The following FIG4 variants were observed in gnomAD, a reference collection of about 807,000 sequenced individuals.
The protein encoded by FIG4 is FIG4 phosphoinositide 5-phosphatase.
Under a neutral mutation model 118.6 loss-of-function variants are expected in FIG4, and 112 were observed. That is an observed-to-expected ratio of 0.94 (90% CI 0.81 to 1.11). The LOEUF (loss-of-function observed/expected upper bound fraction) is 1.11, where lower values mean the gene tolerates loss of function less well. FIG4 is among the 50% of genes least tolerant of loss of function. The pLI, the probability that FIG4 is intolerant of heterozygous loss-of-function variation, is 0.00. For missense variants in FIG4, 969 were observed against 1,111.7 expected, an observed-to-expected ratio of 0.87 and a Z score of 1.83; for synonymous variants, 369 against 381.2, an observed-to-expected ratio of 0.97 and a Z score of 0.37.
intron 1 of FIG4, among the ~76,000 whole-genome samples, chr6:109,708,873 G>A (rs1775172112): frequency 1.3e-5 from 2 of 152,102 alleles, no homozygotes; most frequent in Admixed American, 1.3e-4. Flanking sequence ...ATCTCTGTCA[G>A]ATGTATCGTT....
chr6:109,754,837 T>C (rs1183393945), intron 10 of FIG4, among the ~76,000 whole-genome samples: 1 of 152,206 alleles, frequency 6.6e-6, no homozygotes, highest in Non-Finnish European at 1.5e-5. Context: ...TTTTTCTTTA[T>C]TAGTCTTGCT....
At chr6:109,805,685 C>G (rs933995063) in intron 22 of FIG4, among the ~76,000 whole-genome samples, 1 of 152,086 alleles carries the variant, frequency 6.6e-6, no homozygotes, top group Non-Finnish European at 1.5e-5. Context: ...ACCATCTTGA[C>G]TTTCTTAACG....
At chr6:109,713,720 C>T (rs887169558) in intron 1 of FIG4, among the ~76,000 whole-genome samples, 10 of 151,898 alleles carry the variant, frequency 6.6e-5, no homozygotes, top group African/African-American at 1.9e-4. Flanking sequence ...AGTGAGCCTG[C>T]GGGAAGCTGC....
At chr6:109,707,997 T>C (rs1029967668) in intron 1 of FIG4, among the ~76,000 whole-genome samples, 2 of 151,892 alleles carry the variant, frequency 1.3e-5, no homozygotes, top group African/African-American at 4.8e-5. Flanking sequence ...GTATTCTTTT[T>C]TTTTTTTTTA....
At chr6:109,757,029 G>A (rs1208639789) in intron 10 of FIG4, among the ~76,000 whole-genome samples, 5 of 152,032 alleles carry the variant, frequency 3.3e-5, no homozygotes, top group African/African-American at 7.2e-5. Context: ...CTTCTGCGTC[G>A]CTCACGCTGG....
At chr6:109,771,458 ATTCTTTTTT>A (rs1777457257) in intron 15 of FIG4, among the ~76,000 whole-genome samples, 1 of 112,866 alleles carries the variant, frequency 8.9e-6, no homozygotes, top group Non-Finnish European at 1.8e-5. Flanking sequence ...ACTTCCTCTA[ATTCTTTTTT>A]TTTTTTTTTT....
chr6:109,738,461 T>A lies in FIG4; in HGVS notation c.775+8T>A. The stretch of plus-strand genomic sequence containing the variant: ...GGTTCTGTGGGCAGTCAAGTATCCT[T>A]TCTGAAGAAAAAGTAAGATACATAT... On this transcript the variant is annotated splice_region_variant and intron_variant, in intron 7 of 22. Coordinates refer to ENST00000230124, the MANE Select transcript of FIG4 (RefSeq NM_014845.6). 1 of 1,611,568 alleles carries A rather than the reference T, an allele frequency of 6.2e-7. No homozygotes were observed. The highest frequency in any genetic ancestry group is 8.5e-7 in the Non-Finnish European group (1 of 1,178,018).
At chr6:109,702,188 G>A (rs1774928901) in intron 1 of FIG4, among the ~76,000 whole-genome samples, 1 of 152,174 alleles carries the variant, frequency 6.6e-6, no homozygotes, top group Admixed American at 6.5e-5. Flanking sequence ...CAAGAAGGCT[G>A]ATTTTCCTCC....
At chr6:109,760,575 T>C (rs1207965603) in intron 11 of FIG4, among the ~76,000 whole-genome samples, 192 bp downstream of exon 11, 2 of 152,212 alleles carry the variant, frequency 1.3e-5, no homozygotes, top group Non-Finnish European at 2.9e-5. Flanking sequence ...ATATATACCA[T>C]TTGCAAATTG....
chr6:109,737,539 A>G (rs867038237), intron 6 of FIG4, among the ~76,000 whole-genome samples: 2 of 152,250 alleles, frequency 1.3e-5, no homozygotes, highest in African/African-American at 4.8e-5. Flanking sequence ...TGTATAAACA[A>G]ATACTCTTAA....
In FIG4 at chr6:109,762,384, A is replaced by G. The variant is rs530715302; in HGVS notation, c.1388+177A>G. Among the ~76,000 whole-genome samples, 4 of 151,924 alleles carry G rather than the reference A, an allele frequency of 2.6e-5. No homozygotes were observed. In the East Asian group the frequency reaches 7.7e-4, roughly 29 times the overall value. ...GGGCATGGGAATTCCTTTGGTGGTTACCTACATACCTTGAGATGTAAGCCA... is the reference window on the plus strand; with the variant it reads ...GGGCATGGGAATTCCTTTGGTGGTTGCCTACATACCTTGAGATGTAAGCCA... On this transcript the variant is annotated intron_variant, in intron 12 of 22. Coordinates refer to ENST00000230124, the MANE Select transcript of FIG4 (RefSeq NM_014845.6).
intron 6 of FIG4, among the ~76,000 whole-genome samples, chr6:109,736,062 A>G (rs913929334): frequency 6.6e-6 from 1 of 152,116 alleles, no homozygotes; most frequent in Non-Finnish European, 1.5e-5. Context: ...CATTGCTAGT[A>G]TGAATGTTGT....
intron 22 of FIG4, among the ~76,000 whole-genome samples, chr6:109,801,891 T>C (rs763133637): frequency 1.9e-4 from 29 of 152,238 alleles, no homozygotes; most frequent in Non-Finnish European, 3.5e-4. Context: ...GATACTGCTG[T>C]GGTCTCTGTG....
intron 3 of FIG4, among the ~76,000 whole-genome samples, chr6:109,719,341 T>C (rs1419807386): frequency 2.6e-5 from 4 of 152,148 alleles, no homozygotes; most frequent in African/African-American, 4.8e-5. Context: ...AAATCACTTA[T>C]TGAACTGTGT....
In FIG4 at chr6:109,711,593, C is replaced by T. The variant is rs182626753; in HGVS notation, c.67-3485C>T. Among the ~76,000 whole-genome samples, 189 of 151,994 alleles carry T rather than the reference C, an allele frequency of 1.2e-3. 1 individual carries two copies. Among genetic ancestry groups the T allele is most frequent in the Non-Finnish European group, 2.4e-3 (164 of 67,964 alleles). On this transcript the variant is annotated intron_variant, in intron 1 of 22. Transcript: ENST00000230124. ...TCAGAAACTAGAATTGCAACCCCTG[C>T]TTTTTTCTGTTTCCCGTTTGCTTGA... is the stretch of plus-strand genomic sequence containing the variant.
intron 4 of FIG4, among the ~76,000 whole-genome samples, chr6:109,732,302 C>T (rs541463757): frequency 1.1e-4 from 16 of 152,336 alleles, no homozygotes; most frequent in African/African-American, 3.1e-4. Flanking sequence ...TCTCCATCCT[C>T]AAAGCATTTG....
intron 1 of FIG4, among the ~76,000 whole-genome samples, chr6:109,692,098 A>G (rs1214835395): frequency 6.6e-6 from 1 of 152,186 alleles, no homozygotes; most frequent in African/African-American, 2.4e-5. Flanking sequence ...TACTTTTAAA[A>G]TTTTATTACT....
chr6:109,787,890 C>G, intron 18 of FIG4, among the ~76,000 whole-genome samples: 1 of 152,198 alleles, frequency 6.6e-6, no homozygotes, highest in South Asian at 2.1e-4. Context: ...AAGACAGAAA[C>G]GTAGTTAATA....
At position 109,743,156 on chromosome 6, in the gene FIG4, C is replaced by G; in HGVS notation, c.923C>G (p.Ala308Gly). Residue 308 changes from alanine to glycine, a missense_variant, in exon 9 of 23, where the codon GCT becomes GGT. Around this residue, in one of 3 missense-constraint regions of FIG4, gnomAD observed 393 missense variants for 409.4 expected, o/e 0.96. Transcript: ENST00000230124. ...GAGACTGAACAAATACTCTGCGATG[C>G]TTCTGTGATGTCTTTCACTGCAGGA... Reference protein sequence around the residue: ...EVETEQILCDASVMSFTAGSY... With the variant: ...EVETEQILCDGSVMSFTAGSY... The G allele has an allele frequency of 6.2e-7, 1 of 1,612,916 alleles. No homozygotes were observed. Among genetic ancestry groups the G allele is most frequent in the Non-Finnish European group, 8.5e-7 (1 of 1,179,194 alleles).
Sources: allele counts gnomAD v4.1 joint callset (sites outside exome capture counted in the v4.1 genomes callset), GRCh38; gene constraint gnomAD v4.1.1; regional missense constraint gnomAD v4.1.1; transcripts MANE v1.5; gene names NCBI Gene and HGNC (gene_info 2026-07-23, HGNC 2026-07-21).